Variants in ANO2 observed in about 807,000 individuals in gnomAD.
The protein encoded by ANO2 is anoctamin 2, also known as anoctamin-2.
A neutral mutation model predicts 124.2 loss-of-function variants in ANO2; 101 were observed. That is an observed-to-expected ratio of 0.81 (90% CI 0.69 to 0.96). ANO2 has a LOEUF of 0.96. Ranked by LOEUF, ANO2 falls within the 40% of genes least tolerant of loss-of-function variation. The pLI, the probability that ANO2 is intolerant of heterozygous loss-of-function variation, is 0.00. For synonymous variants in ANO2, 486 were observed against 482.5 expected, an observed-to-expected ratio of 1.01 and a Z score of -0.09; for missense variants, 1,293 against 1,274.5, an observed-to-expected ratio of 1.01 and a Z score of -0.22.
chr12:5,627,026 A>T (rs776781284), intron 16 of ANO2, among the ~76,000 whole-genome samples: 9 of 152,338 alleles, frequency 5.9e-5, no homozygotes, highest in Non-Finnish European at 1.3e-4. Context: ...TCATGGTCAC[A>T]GCTCATGTCT....
chr12:5,686,814 G>A (rs1436481690), intron 14 of ANO2, among the ~76,000 whole-genome samples: 1 of 152,340 alleles, frequency 6.6e-6, no homozygotes, highest in Middle Eastern at 3.4e-3. Context: ...AATGCCCTTA[G>A]TTCCTTCCTC....
At chr12:5,926,076 AG>A (rs1320555383) in intron 1 of ANO2, among the ~76,000 whole-genome samples, 6 of 152,344 alleles carry the variant, frequency 3.9e-5, no homozygotes, top group African/African-American at 1.4e-4. Context: ...TCTCCAAAAC[AG>A]GATTCTTTTT....
intron 4 of ANO2, among the ~76,000 whole-genome samples, chr12:5,849,910 C>T (rs1188128600): frequency 6.6e-6 from 1 of 152,142 alleles, no homozygotes; most frequent in Non-Finnish European, 1.5e-5. Flanking sequence ...AACACTAGCC[C>T]TCCACAGACA....
chr12:5,595,781 C>T (rs567846905), intron 20 of ANO2, among the ~76,000 whole-genome samples: 1 of 152,252 alleles, frequency 6.6e-6, no homozygotes, highest in African/African-American at 2.4e-5. Context: ...AGAGGAAGCA[C>T]CGTGTAAAAC....
In ANO2 at chr12:5,656,804, A is replaced by G. The variant is rs116565103; in HGVS notation, c.1546-9003T>C. ...ACCAGCCTCACTTAGATCCCTCTCT[A>G]TGTAAGGAGGCATGCAGGGCATGGC... is the stretch of plus-strand genomic sequence containing the variant. On this transcript the variant is annotated intron_variant, in intron 14 of 24. Transcript: ENST00000682330. Among the ~76,000 whole-genome samples the G allele has an allele frequency of 2.2e-3, 331 of 152,316 alleles. 1 individual carries two copies. Among genetic ancestry groups the G allele is most frequent in the African/African-American group, 7.6e-3 (315 of 41,576 alleles).
Position 5,577,869 on chromosome 12 carries a change from C to A in ANO2, c.2439+86G>T, listed in dbSNP as rs968567081. ...TACAAATGGAAAAGGCTGGGAGGTG[C>A]AAGGGCTGGCTTCCCACTTTGAAGA... On this transcript the variant is annotated intron_variant, in intron 22 of 24. Transcript: ENST00000682330. 1.0e-5 allele frequency: 14 copies of A among 1,372,370 alleles called. No individual in the cohort carries two copies. The Admixed American group carries it at 2.0e-4, about 19-fold the overall frequency. The allele number at this position is 1,372,370 out of a possible 1,614,324, so 85.0% of individuals were successfully genotyped here.
chr12:5,684,559 T>C (rs1034743743), intron 14 of ANO2, among the ~76,000 whole-genome samples: 2 of 152,170 alleles, frequency 1.3e-5, no homozygotes, highest in African/African-American at 4.8e-5. Context: ...GTACAACTTC[T>C]TCTCAGCAAC....
In ANO2 at chr12:5,582,685, G is replaced by C. The variant is rs116697329; in HGVS notation, c.2234-4167C>G. ...GTTCTGTGCTAAGGGCAAATATTTA[G>C]CAAGTATGTTGGAGATCAACTCCGC... On this transcript the variant is annotated intron_variant, in intron 20 of 24. Transcript: ENST00000682330. Among the ~76,000 whole-genome samples, 457 of 152,286 alleles carry C rather than the reference G, an allele frequency of 3.0e-3. 1 individual carries two copies. Among genetic ancestry groups the C allele is most frequent in the African/African-American group, 0.011 (446 of 41,552 alleles).
At chr12:5,687,015 A>G (rs1346728564) in intron 14 of ANO2, among the ~76,000 whole-genome samples, 2 of 152,214 alleles carry the variant, frequency 1.3e-5, no homozygotes, top group African/African-American at 4.8e-5. Flanking sequence ...GGATGGAGGG[A>G]AAGGGTGACA....
At chr12:5,734,716 C>T (rs1242803979) in intron 13 of ANO2, among the ~76,000 whole-genome samples, 5 of 151,484 alleles carry the variant, frequency 3.3e-5, no homozygotes, top group African/African-American at 4.9e-5. Flanking sequence ...GGCATGATCT[C>T]GGCTCACCGA....
intron 14 of ANO2, among the ~76,000 whole-genome samples, chr12:5,723,650 AAGAG>A (rs1262538935): frequency 2.0e-5 from 3 of 152,090 alleles, no homozygotes; most frequent in African/African-American, 4.8e-5. Flanking sequence ...TAGAGAAAGA[AAGAG>A]AGAGAGAGGA....
intron 14 of ANO2, among the ~76,000 whole-genome samples, chr12:5,680,911 C>A (rs192471058): frequency 6.6e-6 from 1 of 152,124 alleles, no homozygotes; most frequent in South Asian, 2.1e-4. Flanking sequence ...CAAGGTTAAT[C>A]TTTTATAAGA....
intron 14 of ANO2, among the ~76,000 whole-genome samples, chr12:5,662,623 T>C (rs1170518899): frequency 6.6e-6 from 1 of 152,204 alleles, no homozygotes; most frequent in Non-Finnish European, 1.5e-5. Context: ...AGTGTTTGTT[T>C]TTTAACTAGG....
chr12:5,711,158 A>C (rs997114722), intron 14 of ANO2, among the ~76,000 whole-genome samples: 8 of 105,946 alleles, frequency 7.6e-5, no homozygotes, highest in Non-Finnish European at 4.1e-5. Flanking sequence ...ACTCTGTCTC[A>C]AAAAAAAAAA....
chr12:5,696,598 A>G (rs1200000674), intron 14 of ANO2, among the ~76,000 whole-genome samples: 1 of 152,186 alleles, frequency 6.6e-6, no homozygotes, highest in African/African-American at 2.4e-5. Context: ...GAACAGAAAA[A>G]GAAGGAGCAC....
chr12:5,681,641 T>C (rs147139146), intron 14 of ANO2, among the ~76,000 whole-genome samples: 1 of 152,348 alleles, frequency 6.6e-6, no homozygotes, highest in African/African-American at 2.4e-5. Flanking sequence ...TCTGGGTCAC[T>C]TCCACCCTGG....
intron 3 of ANO2, among the ~76,000 whole-genome samples, chr12:5,880,102 G>C (rs557420674): frequency 2.0e-5 from 3 of 152,314 alleles, no homozygotes; most frequent in East Asian, 3.9e-4. Flanking sequence ...CGAGAGGAGA[G>C]AGAATCTAAG....
intron 23 of ANO2, among the ~76,000 whole-genome samples, chr12:5,568,637 C>A (rs949370474): frequency 6.6e-6 from 1 of 152,128 alleles, no homozygotes; most frequent in Admixed American, 6.5e-5. Flanking sequence ...ACTAATTAAA[C>A]AAAGAGACAA....
At chr12:5,595,018 A>G (rs1943589020) in intron 20 of ANO2, among the ~76,000 whole-genome samples, 1 of 152,224 alleles carries the variant, frequency 6.6e-6, no homozygotes. Flanking sequence ...AAACCTCTTC[A>G]GAACATCCGT....
Sources: gnomAD v4.1 joint callset for allele counts (sites outside exome capture counted in the v4.1 genomes callset) on GRCh38, gnomAD v4.1.1 for gene constraint, MANE v1.5 for transcripts, NCBI Gene and HGNC (gene_info 2026-07-23, HGNC 2026-07-21) for gene names.